PHF21B: variants seen among roughly 807,000 people sequenced by gnomAD.
PHF21B encodes the protein PHD finger protein 4.
In PHF21B, 22 loss-of-function variants were observed where a neutral mutation model predicts 62.2. The observed-to-expected ratio is 0.35, with a 90% CI of 0.25 to 0.51. The LOEUF (loss-of-function observed/expected upper bound fraction) is 0.51. Ranked by LOEUF, PHF21B falls within the 20% of genes least tolerant of loss-of-function variation. PHF21B has a pLI of 0.97. For synonymous variants in PHF21B, 341 were observed against 314.7 expected (o/e 1.08, Z -0.88); for missense variants, 701 against 707.9 (o/e 0.99, Z 0.11).
At chr22:44,982,088 TA>T (rs2072853243) in intron 2 of PHF21B, among the ~76,000 whole-genome samples, 2 of 152,180 alleles carry the variant, frequency 1.3e-5, no homozygotes, top group Non-Finnish European at 2.9e-5. Flanking sequence ...AGCGCTGGGC[TA>T]GGGGGTCATG....
Position 45,008,415 on chromosome 22 carries a change from G to A in PHF21B, c.120+130C>T, listed in dbSNP as rs1052578905. On this transcript the variant is annotated intron_variant, in intron 2 of 12. Coordinates refer to ENST00000313237, the MANE Select transcript of PHF21B (RefSeq NM_138415.5). ...GGAAAGGGGAGGGGTGGGGAACTTT[G>A]AGAACTGGAGACAGACCCCTCTGGG... 4 of 821,270 alleles carry A rather than the reference G, an allele frequency of 4.9e-6. No homozygotes were observed. In the South Asian group the frequency reaches 1.3e-4, roughly 27 times the overall value. The allele number at this position is 821,270 out of a possible 1,614,324, so 50.9% of individuals were successfully genotyped here. A position where few individuals can be genotyped will look rare whatever the true frequency, so the allele number is the denominator to read the frequency against.
intron 2 of PHF21B, among the ~76,000 whole-genome samples, chr22:44,923,735 G>A (rs2071579003): frequency 6.6e-6 from 1 of 152,020 alleles, no homozygotes; most frequent in African/African-American, 2.4e-5. Flanking sequence ...AAGATATACT[G>A]GGCCAGGCAC....
At chr22:44,918,520 C>T (rs1707345003) in intron 3 of PHF21B, among the ~76,000 whole-genome samples, 1 of 152,198 alleles carries the variant, frequency 6.6e-6, no homozygotes, top group Admixed American at 6.5e-5. Context: ...GGCCGGGAAG[C>T]CCCCGGGTCC....
chr22:44,996,774 G>A (rs2073129713), intron 2 of PHF21B, among the ~76,000 whole-genome samples: 1 of 151,600 alleles, frequency 6.6e-6, no homozygotes, highest in African/African-American at 2.4e-5. Context: ...CCACACACGT[G>A]CATGCACAAG....
intron 2 of PHF21B, among the ~76,000 whole-genome samples, chr22:44,954,643 G>C (rs1452132316): frequency 1.3e-5 from 2 of 152,216 alleles, no homozygotes; most frequent in Admixed American, 6.5e-5. Flanking sequence ...AGCAATTCAG[G>C]TCTACAGATT....
chr22:44,963,104 G>A (rs1441656136), intron 2 of PHF21B, among the ~76,000 whole-genome samples: 1 of 152,220 alleles, frequency 6.6e-6, no homozygotes, highest in Non-Finnish European at 1.5e-5. Context: ...CCTCGTAACA[G>A]AATCAAGATC....
intron 5 of PHF21B, among the ~76,000 whole-genome samples, chr22:44,908,470 G>T (rs1334093780): frequency 6.6e-6 from 1 of 152,136 alleles, no homozygotes; most frequent in East Asian, 1.9e-4. Flanking sequence ...GTCACTCTGG[G>T]ACACTGCTGA....
At chr22:44,941,458 T>C (rs992691905) in intron 2 of PHF21B, among the ~76,000 whole-genome samples, 1 of 152,196 alleles carries the variant, frequency 6.6e-6, no homozygotes, top group African/African-American at 2.4e-5. Flanking sequence ...CCGAGGCCAC[T>C]TCAGCTCTGG....
intron 2 of PHF21B, among the ~76,000 whole-genome samples, chr22:44,973,593 A>G (rs1172143605): frequency 2.0e-5 from 3 of 152,150 alleles, no homozygotes; most frequent in African/African-American, 7.2e-5. Context: ...TGGGGGGCAC[A>G]CTTTTATAAG....
chr22:44,933,801 G>A (rs140397239), intron 2 of PHF21B, among the ~76,000 whole-genome samples: 2 of 152,252 alleles, frequency 1.3e-5, no homozygotes, highest in East Asian at 3.9e-4. Flanking sequence ...AGCAAGTGAG[G>A]AATGAATCTG....
At chr22:44,947,232 G>A (rs1233897217) in intron 2 of PHF21B, among the ~76,000 whole-genome samples, 1 of 152,116 alleles carries the variant, frequency 6.6e-6, no homozygotes, top group Non-Finnish European at 1.5e-5. Flanking sequence ...TTCTGGAAGG[G>A]CTGCCTCCAG....
chr22:44,965,924 C>A (rs1256924660), intron 2 of PHF21B, among the ~76,000 whole-genome samples: 6 of 152,212 alleles, frequency 3.9e-5, no homozygotes, highest in African/African-American at 1.4e-4. Flanking sequence ...CCACCACTTC[C>A]TCTCTAAAGG....
intron 2 of PHF21B, among the ~76,000 whole-genome samples, chr22:44,999,629 C>T (rs1392435520): frequency 3.9e-5 from 6 of 152,138 alleles, no homozygotes; most frequent in Middle Eastern, 3.2e-3. Flanking sequence ...CCGTGTGCCC[C>T]GGAGTAACAG....
chr22:45,000,450 AG>A (rs1435068650), intron 2 of PHF21B: 1 of 152,220 alleles, frequency 6.6e-6, no homozygotes, highest in Admixed American at 6.5e-5. Flanking sequence ...TCAAAGACAC[AG>A]CCCATGATTC....
At chr22:44,971,160 C>T (rs1008245069) in intron 2 of PHF21B, 1 of 152,200 alleles carries the variant, frequency 6.6e-6, no homozygotes, top group African/African-American at 2.4e-5. Context: ...TCTAATCCAC[C>T]CACACCCTGT....
chr22:44,966,902 A>C (rs2072537833), intron 2 of PHF21B: 1 of 152,158 alleles, frequency 6.6e-6, no homozygotes, highest in Non-Finnish European at 1.5e-5. Context: ...TGCAAGGCTG[A>C]TCTGTCTCCC....
chr22:44,944,929 C>T (rs909152914), intron 2 of PHF21B, among the ~76,000 whole-genome samples: 12 of 152,252 alleles, frequency 7.9e-5, no homozygotes, highest in Admixed American at 6.5e-5. Context: ...TGCCTTCCTG[C>T]CGCAGTCCTG....
intron 2 of PHF21B, among the ~76,000 whole-genome samples, chr22:44,961,852 A>G (rs2072429015): frequency 2.1e-5 from 2 of 94,956 alleles, no homozygotes; most frequent in Non-Finnish European, 4.2e-5. Context: ...CTCAAAATAA[A>G]TAAATAAATA....
chr22:44,955,897 CAA>C (rs1013186836), intron 2 of PHF21B, among the ~76,000 whole-genome samples: 7 of 152,196 alleles, frequency 4.6e-5, no homozygotes, highest in Admixed American at 2.6e-4. Flanking sequence ...GGTCAGCACT[CAA>C]AGACGCTTCC....
Sources: allele counts gnomAD v4.1 joint callset (sites outside exome capture counted in the v4.1 genomes callset), GRCh38; gene constraint gnomAD v4.1.1; transcripts MANE v1.5; gene names NCBI Gene and HGNC (gene_info 2026-07-23, HGNC 2026-07-21).